Variants in KLK15 observed in about 807,000 individuals in gnomAD.
The protein encoded by KLK15 is kallikrein-15.
In KLK15, 19 loss-of-function variants were observed where a neutral mutation model predicts 21.1. The observed-to-expected ratio is 0.90, with a 90% CI of 0.63 to 1.32. The LOEUF (loss-of-function observed/expected upper bound fraction) is 1.32, where lower values mean the gene tolerates loss of function less well. Ranked by LOEUF, KLK15 falls within the 40% of genes most tolerant of loss-of-function variation. KLK15 has a pLI of 0.00. For synonymous variants in KLK15, 141 were observed against 141.5 expected, an observed-to-expected ratio of 1.00 and a Z score of 0.03; for missense variants, 345 against 348.6, an observed-to-expected ratio of 0.99 and a Z score of 0.08.
At chr19:50,833,332 C>T (rs1238992992), upstream of KLK15, 1 of 155,022 alleles carries the variant, frequency 6.5e-6, no homozygotes, top group Non-Finnish European at 1.5e-5. Context: ...TCCCTCCCCA[C>T]CACTGCAGCT....
chr19:50,826,820 G>A (rs754366831), intron 3 of KLK15, 58 bp downstream of exon 4: 1 of 1,567,648 alleles, frequency 6.4e-7, no homozygotes, highest in South Asian at 1.2e-5. Context: ...CTCCGCCCAA[G>A]AGCCCTGGAG....
At chr19:50,831,989 A>AT (rs913679338), upstream of KLK15, among the ~76,000 whole-genome samples, 22 of 150,008 alleles carry the variant, frequency 1.5e-4, no homozygotes, top group African/African-American at 3.2e-4. Flanking sequence ...TTTTTTGGAA[A>AT]TTTTTTTTTT....
chr19:50,826,077 T>A, intron 4 of KLK15, 129 bp from the exon 6 acceptor site: 1 of 878,890 alleles, frequency 1.1e-6, no homozygotes, highest in Non-Finnish European at 1.7e-6. Flanking sequence ...CCAACTCAAC[T>A]CAATACAGCC....
chr19:50,828,268 C>T (rs1455188409), intron 1 of KLK15, among the ~76,000 whole-genome samples: 2 of 151,450 alleles, frequency 1.3e-5, no homozygotes, highest in South Asian at 2.1e-4. Context: ...TATTTACAAC[C>T]GCTGCCTGTT....
At chr19:50,829,903 C>G (rs2123417651) in intron 1 of KLK15, among the ~76,000 whole-genome samples, 1 of 151,730 alleles carries the variant, frequency 6.6e-6, no homozygotes, top group Non-Finnish European at 1.5e-5. Flanking sequence ...CTGCAGACAC[C>G]AACCCAGAAG....
chr19:50,827,246 C>CAGAACGTT, intron 2 of KLK15, 85 bp from the exon 4 acceptor site: 171 of 1,343,642 alleles, frequency 1.3e-4, no homozygotes, highest in Non-Finnish European at 1.6e-4. Context: ...AAAGAGTGGG[C>CAGAACGTT]AACCCGAGGT....
At chr19:50,826,986 C>A (rs759486112) in exon 3 of KLK15, 10 of 1,606,190 alleles carry the variant, frequency 6.2e-6, no homozygotes, top group Non-Finnish European at 8.5e-6. Flanking sequence ...GGTAGCACCG[C>A]GGGGCGCACC....
At chr19:50,827,614 T>TC (rs751308641) in intron 2 of KLK15, 48 bp downstream of exon 3, 4 of 1,580,642 alleles carry the variant, frequency 2.5e-6, no homozygotes, top group Non-Finnish European at 2.6e-6. Context: ...TAGGAGCTCT[T>TC]CCCCCCGAAC....
intron 4 of KLK15, 37 bp downstream of exon 5, chr19:50,826,584 C>T: frequency 6.5e-7 from 1 of 1,547,192 alleles, no homozygotes; most frequent in Middle Eastern, 1.7e-4. Context: ...TGTCCCCATC[C>T]CTCTTCTTCC....
At chr19:50,831,221 T>A (rs112561736) in intron 1 of KLK15, 2 of 395,376 alleles carry the variant, frequency 5.1e-6, no homozygotes, top group Non-Finnish European at 9.0e-6. Flanking sequence ...CCCAGGACCG[T>A]GTTCCTTGTC....
chr19:50,829,870 C>G (rs755815119), intron 1 of KLK15, among the ~76,000 whole-genome samples: 1 of 151,546 alleles, frequency 6.6e-6, no homozygotes, highest in Non-Finnish European at 1.5e-5. Flanking sequence ...GATTCACCCA[C>G]AAGACATTTT....
intron 4 of KLK15, 154 bp from the exon 6 acceptor site, chr19:50,826,102 C>A (rs2089875001): frequency 1.4e-6 from 1 of 713,404 alleles, no homozygotes; most frequent in African/African-American, 1.8e-5. Flanking sequence ...TTATCCCAAA[C>A]AGAGCCAACC....
At chr19:50,832,322 C>CTTTCTTTT (rs1555766936), upstream of KLK15, among the ~76,000 whole-genome samples, 4 of 109,438 alleles carry the variant, frequency 3.7e-5, no homozygotes, top group East Asian at 2.8e-4. Flanking sequence ...CTTTTTTTTT[C>CTTTCTTTT]TTTTTTTTTT....
upstream of KLK15, among the ~76,000 whole-genome samples, chr19:50,831,724 C>T (rs926264320): frequency 2.6e-5 from 4 of 152,146 alleles, no homozygotes; most frequent in African/African-American, 9.7e-5. Flanking sequence ...CTCGGACAGA[C>T]CCTGCCCCAC....
At position 50,826,574 on chromosome 19, in the gene KLK15, T is replaced by C. The variant is rs1301724490; in HGVS notation, c.618+47A>G. ...CCAACCCCATCCGGACTCCCACACC[T>C]GTCCCCATCCCTCTTCTTCCGCCTG... is the stretch of plus-strand genomic sequence containing the variant. On this transcript the variant is annotated intron_variant, in intron 4 of 4. Coordinates refer to ENST00000598239, the Ensembl canonical transcript of KLK15. The C allele has an allele frequency of 2.6e-6, 4 of 1,536,108 alleles. No homozygotes were observed. The South Asian group carries it at 5.1e-5, about 20-fold the overall frequency.
chr19:50,826,361 CA>C, intron 4 of KLK15: 1 of 477,924 alleles, frequency 2.1e-6, no homozygotes, highest in Non-Finnish European at 3.7e-6. Flanking sequence ...CACCCAGAAT[CA>C]AACCAAACCA....
At chr19:50,826,301 G>A in intron 4 of KLK15, 2 of 446,794 alleles carry the variant, frequency 4.5e-6, no homozygotes, top group South Asian at 4.8e-5. Flanking sequence ...CATGTCTTCT[G>A]CATTCCAAAC....
At chr19:50,830,850 TG>T (rs34028614) in intron 1 of KLK15, among the ~76,000 whole-genome samples, 2,546 of 152,236 alleles carry the variant, frequency 0.017, 35 homozygotes, top group African/African-American at 0.023. Context: ...ACATAGACGT[TG>T]TATGTAAGCT....
chr19:50,829,601 A>G (rs1440371008), intron 1 of KLK15, among the ~76,000 whole-genome samples: 2 of 151,812 alleles, frequency 1.3e-5, no homozygotes, highest in African/African-American at 2.4e-5. Flanking sequence ...GTTTGAGACC[A>G]GCCTGGCCAA....
Sources: gnomAD v4.1 joint callset for allele counts (sites outside exome capture counted in the v4.1 genomes callset) on GRCh38, gnomAD v4.1.1 for gene constraint, MANE v1.5 for transcripts, NCBI Gene and HGNC (gene_info 2026-07-23, HGNC 2026-07-21) for gene names.